Variants in ZNF653 observed in about 807,000 individuals in gnomAD.
The protein encoded by ZNF653 is zinc finger protein 653, also known as 67 kDa zinc finger protein.
Under a neutral mutation model 59.9 loss-of-function variants are expected in ZNF653, and 37 were observed. That is an observed-to-expected ratio of 0.62 (90% confidence interval 0.48 to 0.81). The LOEUF is 0.81. Ranked by LOEUF, ZNF653 falls within the 40% of genes least tolerant of loss-of-function variation. The pLI is 0.00. For missense variants in ZNF653, 808 were observed against 881.1 expected, an observed-to-expected ratio of 0.92 and a Z score of 1.05; for synonymous variants, 435 against 371.8, an observed-to-expected ratio of 1.17 and a Z score of -1.96.
chr19:11,505,142 T>G, intron 1 of ZNF653: 2 of 237,580 alleles, frequency 8.4e-6, no homozygotes, highest in East Asian at 9.6e-5. Flanking sequence ...ATGAGACCGG[T>G]GAGGGGGCGG....
At chr19:11,490,455 C>T (rs558850839) in intron 3 of ZNF653, among the ~76,000 whole-genome samples, 4 of 152,246 alleles carry the variant, frequency 2.6e-5, no homozygotes, top group East Asian at 1.9e-4. Flanking sequence ...GGCACAATCT[C>T]GGCTCACTGC....
rs773517358 is a variant in ZNF653, at chr19:11,487,391, T to C, written c.1072A>G (p.Met358Val). ...SGLGEEVPCAMMEGVAAYTQT... is the reference protein window; with the variant it reads ...SGLGEEVPCAVMEGVAAYTQT... ...GTGTAGGCTGCCACACCCTCCATCATGGCACAGGGCACCTCCTCGCCCAGT... is the reference window on the plus strand; with the variant it reads ...GTGTAGGCTGCCACACCCTCCATCACGGCACAGGGCACCTCCTCGCCCAGT... Residue 358 changes from methionine to valine, a missense_variant, in exon 4 of 9, where the codon ATG (methionine) becomes GTG (valine). Met to Val is a conservative substitution (Grantham distance 21, BLOSUM62 1). Transcript: ENST00000293771. This position sits in a 1 kb window ranked among gnomAD's most constrained non-coding sequence, Gnocchi z 5.1. 31 of 1,612,556 alleles carry C rather than the reference T, an allele frequency of 1.9e-5. No individual in the cohort carries two copies. The highest frequency in any genetic ancestry group is 2.6e-5 in the Non-Finnish European group (31 of 1,179,922).
At chr19:11,491,372 G>A (rs1429536955) in intron 3 of ZNF653, among the ~76,000 whole-genome samples, 1 of 152,204 alleles carries the variant, frequency 6.6e-6, no homozygotes, top group Non-Finnish European at 1.5e-5. Flanking sequence ...AGGAAGGAAA[G>A]AACCTGGGTC....
intron 1 of ZNF653, among the ~76,000 whole-genome samples, chr19:11,499,543 C>A (rs1470606100): frequency 6.7e-6 from 1 of 150,258 alleles, no homozygotes; most frequent in East Asian, 2.0e-4. Flanking sequence ...GGCAGGAGGA[C>A]TGCTTGAAGC....
intron 7 of ZNF653, 23 bp downstream of exon 7, chr19:11,485,633 T>G: frequency 6.3e-7 from 1 of 1,596,580 alleles, no homozygotes; most frequent in East Asian, 2.2e-5. Context: ...CCGCTCATGC[T>G]GCCAGCTGGC....
intron 1 of ZNF653, chr19:11,504,628 A>T: frequency 1.1e-6 from 1 of 928,082 alleles, no homozygotes; most frequent in Non-Finnish European, 1.3e-6. Flanking sequence ...CTCCCCCCAG[A>T]GAAACATGAG....
chr19:11,496,066 G>A lies in ZNF653; in HGVS notation c.443C>T (p.Pro148Leu), dbSNP rs1449818985. Residue 148 changes from proline (P) to leucine (L), a missense_variant, in exon 3 of 9, where the codon CCC (proline) becomes CTC (leucine). Coordinates refer to ENST00000293771, the MANE Select transcript of ZNF653 (RefSeq NM_138783.4). ...PYEPHLAELD[P>L]TFGLYTTAVW... Reference sequence around the variant, plus strand: ...GGCCGTGGTGTACAGGCCAAAAGTGGGGTCTAGCTCCGCCAGGTGCGGCTC... The same window carrying A: ...GGCCGTGGTGTACAGGCCAAAAGTGAGGTCTAGCTCCGCCAGGTGCGGCTC... 2 of 1,614,188 alleles carry A rather than the reference G, an allele frequency of 1.2e-6. No individual in the cohort carries two copies. The highest frequency in any genetic ancestry group is 1.7e-5 in the Admixed American group (1 of 60,030).
intron 1 of ZNF653, 72 bp downstream of exon 1, chr19:11,505,415 AG>A: frequency 7.5e-7 from 1 of 1,336,122 alleles, no homozygotes; most frequent in Non-Finnish European, 9.6e-7. Context: ...CTAGAAGCGG[AG>A]GGGGCGGGGT....
Position 11,495,827 on chromosome 19 carries a change from CCA to C in ZNF653, c.559+121_559+122del. 1 of 1,032,046 alleles carries C rather than the reference CCA, an allele frequency of 9.7e-7. No individual in the cohort carries two copies. Among genetic ancestry groups the C allele is most frequent in the Non-Finnish European group, 1.4e-6 (1 of 708,548 alleles). The allele number at this position is 1,032,046 out of a possible 1,614,324, so 63.9% of individuals were successfully genotyped here. Reference sequence around the variant, plus strand: ...TGGCCCATCGTGTCCCTGCTCTGCCCCAGTGCCAGAGCCAGAGCCAGAGCCAC... The same window carrying C: ...TGGCCCATCGTGTCCCTGCTCTGCCCGTGCCAGAGCCAGAGCCAGAGCCAC... On this transcript the variant is annotated intron_variant, in intron 3 of 8. Coordinates refer to ENST00000293771, the MANE Select transcript of ZNF653 (RefSeq NM_138783.4). This position sits in a 1 kb window ranked among gnomAD's most constrained non-coding sequence, Gnocchi z 4.9.
chr19:11,486,931 G>A (rs1971472387), intron 5 of ZNF653, 51 bp from the exon 6 acceptor site: 1 of 1,610,248 alleles, frequency 6.2e-7, no homozygotes, highest in Non-Finnish European at 8.5e-7. Flanking sequence ...GGCAGGCTGG[G>A]GGCCTGCGGG....
rs201578297 is a variant in ZNF653 at position 11,486,726 on chromosome 19, G to A, written c.1455+43C>T. 2.0e-5 allele frequency: 30 copies of A among 1,510,936 alleles called. No homozygotes were observed. In the East Asian group the frequency reaches 6.5e-4, roughly 33 times the overall value. 93.6% of individuals were successfully genotyped at this position (1,510,936 alleles called of 1,614,324 possible). The stretch of plus-strand genomic sequence containing the variant: ...ACATCCTGGTGGTGCCATGGCCTGG[G>A]CCTTGTGGGCCTGGCCCAGGCTGCT... On this transcript the variant is annotated intron_variant, in intron 6 of 8. Coordinates refer to ENST00000293771, the MANE Select transcript of ZNF653 (RefSeq NM_138783.4).
chr19:11,488,646 G>A (rs1351166171), intron 3 of ZNF653, among the ~76,000 whole-genome samples: 1 of 151,230 alleles, frequency 6.6e-6, no homozygotes, highest in African/African-American at 2.4e-5. Context: ...CACACAGGCT[G>A]GAGTGCAGTG....
At chr19:11,486,381 T>C (rs1206069955) in intron 6 of ZNF653, among the ~76,000 whole-genome samples, 3 of 152,190 alleles carry the variant, frequency 2.0e-5, no homozygotes, top group Non-Finnish European at 4.4e-5. Context: ...CAAGGCTCTG[T>C]GGTTTGGCCA....
At chr19:11,502,791 T>C (rs1398273344) in intron 1 of ZNF653, among the ~76,000 whole-genome samples, 1 of 152,144 alleles carries the variant, frequency 6.6e-6, no homozygotes, top group Non-Finnish European at 1.5e-5. Flanking sequence ...CCCAGCACTT[T>C]GGGAGGCCGA....
chr19:11,485,086 A>C (rs1440753898), intron 7 of ZNF653, among the ~76,000 whole-genome samples: 3 of 151,768 alleles, frequency 2.0e-5, no homozygotes, highest in Admixed American at 6.6e-5. Flanking sequence ...AAAAAACAAA[A>C]AAAACCCCCA....
Position 11,496,012 on chromosome 19 carries a change from T to C in ZNF653, c.497A>G (p.Tyr166Cys). The change falls in exon 3 of 9, where the codon TAC (tyrosine) becomes TGC (cysteine). Residue 166 changes from tyrosine to cysteine, a missense_variant. By Grantham distance (194) the Tyr-to-Cys change is radical. Transcript: ENST00000293771. Reference protein sequence around the residue: ...AVWQCEAGHRYFQDLHSPLKP... With the variant: ...AVWQCEAGHRCFQDLHSPLKP... The stretch of plus-strand genomic sequence containing the variant: ...CAGGGGCGAATGCAGGTCCTGGAAG[T>C]AGCGGTGGCCAGCTTCGCACTGCCA... 1 of 1,614,164 alleles carries C rather than the reference T, an allele frequency of 6.2e-7. No homozygotes were observed. The highest frequency in any genetic ancestry group is 8.5e-7 in the Non-Finnish European group (1 of 1,180,006).
intron 3 of ZNF653, among the ~76,000 whole-genome samples, chr19:11,491,867 G>A (rs550324152): frequency 6.6e-6 from 1 of 151,030 alleles, no homozygotes; most frequent in Non-Finnish European, 1.5e-5. Context: ...GTGAGCCACC[G>A]CACCCGGCCG....
Position 11,487,834 on chromosome 19 carries a change from G to A in ZNF653, c.629C>T (p.Ser210Phe), listed in dbSNP as rs1385642993. The A allele has an allele frequency of 1.2e-6, 2 of 1,611,574 alleles. No individual in the cohort carries two copies. The highest frequency in any genetic ancestry group is 2.2e-5 in the East Asian group (1 of 44,838). ...SSGSASDSEE[S>F]PEGQPVKAAA... ...AGCCTTGACCGGCTGGCCCTCAGGA[G>A]ACTCCTCAGAGTCAGAGGCAGAGCC... The change falls in exon 4 of 9, where the codon TCT becomes TTT. Residue 210 changes from serine (S) to phenylalanine (F), a missense_variant. Coordinates refer to ENST00000293771, the MANE Select transcript of ZNF653 (RefSeq NM_138783.4). This position sits in a 1 kb window ranked among gnomAD's most constrained non-coding sequence, Gnocchi z 5.1.
intron 1 of ZNF653, among the ~76,000 whole-genome samples, chr19:11,503,033 C>CAA (rs948870549): frequency 1.7e-5 from 2 of 119,196 alleles, no homozygotes; most frequent in African/African-American, 6.2e-5. Context: ...GACTCCATCT[C>CAA]AAAAAAAAAA....
Sources: gnomAD v4.1 joint callset for allele counts (sites outside exome capture counted in the v4.1 genomes callset) on GRCh38, gnomAD v4.1.1 for gene constraint, Gnocchi (gnomAD v3.1) non-coding constraint, MANE v1.5 for transcripts, NCBI Gene and HGNC (gene_info 2026-07-23, HGNC 2026-07-21) for gene names.